SMC4: variants seen among roughly 807,000 people sequenced by gnomAD.
The protein encoded by SMC4 is structural maintenance of chromosomes 4.
SMC4 carries 87 observed loss-of-function variants against 145.6 expected under a neutral mutation model. That is an observed-to-expected ratio of 0.60 (90% CI 0.50 to 0.71). The LOEUF is 0.71. Among genes scored for constraint, SMC4 ranks in the 30% least tolerant of loss-of-function variants. The probability of loss-of-function intolerance (pLI) is 0.00; values close to 1 mark genes in which losing one functional copy is unlikely to be tolerated. For missense variants in SMC4, 1,447 were observed against 1,537.1 expected, an observed-to-expected ratio of 0.94 and a Z score of 0.98; for synonymous variants, 558 against 500.7, an observed-to-expected ratio of 1.11 and a Z score of -1.53.
intron 23 of SMC4, 99 bp from the exon 24 acceptor site, chr3:160,433,558 T>C (rs1474201378): frequency 2.9e-6 from 2 of 681,114 alleles, no homozygotes; most frequent in South Asian, 2.2e-5. Context: ...TTACATGTTA[T>C]CAATGTAATG....
In SMC4 at chr3:160,420,839, G is replaced by C. The variant is rs752920322; in HGVS notation, c.1957G>C (p.Glu653Gln). The C allele has an allele frequency of 6.2e-7, 1 of 1,613,896 alleles. No homozygotes were observed. Residue 653 changes from glutamate (E) to glutamine (Q), a missense_variant, in exon 13 of 24, where the codon GAA becomes CAA. Coordinates refer to ENST00000357388, the MANE Select transcript of SMC4 (RefSeq NM_001002800.3). ...TGTTGATTCTATTGATATAGCCCAA[G>C]AATGTGTAAACTTCCTTAAAAGACA... ...IVVDSIDIAQ[E>Q]CVNFLKRQNI...
At chr3:160,432,550 TA>T (rs1560017754) in intron 22 of SMC4, 35 bp downstream of exon 22, 2 of 1,259,174 alleles carry the variant, frequency 1.6e-6, no homozygotes, top group Non-Finnish European at 2.2e-6. Context: ...ATCCCACTGT[TA>T]CCTTTTTCTA....
At chr3:160,425,154 T>A in intron 16 of SMC4, 135 bp downstream of exon 16, 1 of 1,304,436 alleles carries the variant, frequency 7.7e-7, no homozygotes, top group Non-Finnish European at 1.0e-6. Context: ...TAGGCAGATA[T>A]AACTCTTGAT....
At chr3:160,432,929 T>C in intron 22 of SMC4, 97 bp from the exon 23 acceptor site, 2 of 807,604 alleles carry the variant, frequency 2.5e-6, no homozygotes, top group East Asian at 5.0e-5. Context: ...TACAGATTCC[T>C]AAAAAAGATA....
At position 160,431,160 on chromosome 3, in the gene SMC4, T is replaced by C; in HGVS notation, c.3069T>C (p.Gly1023=). 1 of 1,601,800 alleles carries C rather than the reference T, an allele frequency of 6.2e-7. No homozygotes were observed. The highest frequency in any genetic ancestry group is 1.1e-5 in the South Asian group (1 of 87,964). The change falls in exon 20 of 24, where the codon GGT becomes GGC. Residue 1023 remains glycine (G), a synonymous_variant. Coordinates refer to ENST00000357388, the MANE Select transcript of SMC4 (RefSeq NM_001002800.3). ...AGTTGAAACTTGAACAAATAGATGGTCACATTGCTGAACATAATTCTAAAA... is the reference window on the plus strand; with the variant it reads ...AGTTGAAACTTGAACAAATAGATGGCCACATTGCTGAACATAATTCTAAAA... ...SIKLKLEQID[G]HIAEHNSKIK...
Position 160,431,679 on chromosome 3 carries a change from CCTAT to C in SMC4, c.3152_3155del (p.Pro1051LeufsTer7). On this transcript the variant is annotated frameshift_variant, in exon 21 of 24. Coordinates refer to ENST00000357388, the MANE Select transcript of SMC4 (RefSeq NM_001002800.3). LOFTEE classifies it high-confidence loss of function. ...ATCACTGCATCCTATAGAAGATAAT[CCTAT>C]TGAAGAGATTTCGGTTCTAAGCCCA... The C allele has an allele frequency of 6.2e-7, 1 of 1,607,196 alleles. No individual in the cohort carries two copies. The highest frequency in any genetic ancestry group is 8.5e-7 in the Non-Finnish European group (1 of 1,178,456).
chr3:160,405,279 C>G (rs1715201122), intron 5 of SMC4, among the ~76,000 whole-genome samples: 1 of 151,234 alleles, frequency 6.6e-6, no homozygotes, highest in South Asian at 2.1e-4. Context: ...GAAAAATCCC[C>G]TATCTTTTTT....
chr3:160,404,171 T>C (rs1174026535), intron 4 of SMC4, 157 bp from the exon 5 acceptor site: 6 of 598,922 alleles, frequency 1.0e-5, no homozygotes, highest in Admixed American at 3.7e-5. Context: ...CTTTGCTAAG[T>C]TGGGTTATTA....
At position 160,423,397 on chromosome 3, in the gene SMC4, TTTTG is replaced by T. The variant is rs201503540; in HGVS notation, c.2020-12_2020-9del. On this transcript the variant is annotated intron_variant, in intron 13 of 23. Transcript: ENST00000357388. ...AGTTTTCTTTTTTGTTAACTGTTGT[TTTTG>T]TTTGTTTGTTTGTTTACTTTTAGAT... The T allele has an allele frequency of 2.0e-4, 280 of 1,372,396 alleles. 1 individual carries two copies. The Middle Eastern group carries it at 3.7e-3, about 18-fold the overall frequency. 85.0% of individuals were successfully genotyped at this position (1,372,396 alleles called of 1,614,324 possible). A position where few individuals can be genotyped will look rare whatever the true frequency, so the allele number is the denominator to read the frequency against.
At chr3:160,430,380 A>G (rs1242369781) in intron 18 of SMC4, among the ~76,000 whole-genome samples, 1 of 152,218 alleles carries the variant, frequency 6.6e-6, no homozygotes, top group Non-Finnish European at 1.5e-5. Flanking sequence ...CAGCTTATAT[A>G]AGAAAGGCAT....
intron 10 of SMC4, 178 bp from the exon 11 acceptor site, chr3:160,417,545 G>C (rs1716717429): frequency 1.7e-6 from 1 of 599,166 alleles, no homozygotes. Flanking sequence ...ACTATGTACA[G>C]TGAATATTGA....
chr3:160,405,856 C>T (rs1303879364), intron 5 of SMC4, among the ~76,000 whole-genome samples: 1 of 151,900 alleles, frequency 6.6e-6, no homozygotes, highest in African/African-American at 2.4e-5. Context: ...AGTTATGTCC[C>T]TATATAATAC....
At position 160,400,955 on chromosome 3, in the gene SMC4, C is replaced by T. The variant is rs1714544984; in HGVS notation, c.129C>T (p.Ala43=). Residue 43 remains alanine (A), a synonymous_variant, in exon 2 of 24, where the codon GCC becomes GCT. Coordinates refer to ENST00000357388, the MANE Select transcript of SMC4 (RefSeq NM_001002800.3). ...EPPSGRTESP[A]TAAETASEEL... ...CGTCCGGCCGCACGGAGAGCCCAGC[C>T]ACCGCCGCAGGTGAGTGACCCGCCG... The T allele has an allele frequency of 7.0e-7, 1 of 1,432,650 alleles. No individual in the cohort carries two copies. Among genetic ancestry groups the T allele is most frequent in the Non-Finnish European group, 9.1e-7 (1 of 1,104,954 alleles). 88.7% of individuals were successfully genotyped at this position (1,432,650 alleles called of 1,614,324 possible).
rs533866837 is a variant in SMC4 at position 160,431,524 on chromosome 3, T to C, written c.3115-119T>C. The C allele has an allele frequency of 3.7e-5, 29 of 790,934 alleles. No homozygotes were observed. In the East Asian group the frequency reaches 7.0e-4, roughly 19 times the overall value. 49.0% of individuals were successfully genotyped at this position (790,934 alleles called of 1,614,324 possible). A position where few individuals can be genotyped will look rare whatever the true frequency, so the allele number is the denominator to read the frequency against. On this transcript the variant is annotated intron_variant, in intron 20 of 23. Transcript: ENST00000357388. ...TTGAAGTCCTTTGAAAAATAATTGA[T>C]AAATCAGTCACAACTCCTGTTGTTT...
intron 11 of SMC4, 59 bp from the exon 12 acceptor site, chr3:160,419,299 T>C: frequency 8.7e-7 from 1 of 1,155,396 alleles, no homozygotes; most frequent in Non-Finnish European, 1.2e-6. Flanking sequence ...AATTCAGTGC[T>C]ATGACTGGTC....
rs771963459 is a variant in SMC4 at position 160,414,536 on chromosome 3, T to G, written c.1272+19T>G. On this transcript the variant is annotated intron_variant, in intron 9 of 23. Transcript: ENST00000357388. ...AGAAAAGGTAGGTGTTAGAAAAAAA[T>G]TCTTAAAATTTCACGTCTGAATATC... 3.7e-6 allele frequency: 6 copies of G among 1,601,760 alleles called. No homozygotes were observed. The highest frequency in any genetic ancestry group is 5.1e-6 in the Non-Finnish European group (6 of 1,173,024).
chr3:160,431,631 T>A lies in SMC4; in HGVS notation c.3115-12T>A. The stretch of plus-strand genomic sequence containing the variant: ...ATGCCTTCTCTAACTCTCCCCTAAA[T>A]TGAACTTTTAGATTTCAAAAATATC... On this transcript the variant is annotated splice_polypyrimidine_tract_variant and intron_variant, in intron 20 of 23. Transcript: ENST00000357388. 1 of 1,564,652 alleles carries A rather than the reference T, an allele frequency of 6.4e-7. No individual in the cohort carries two copies. The highest frequency in any genetic ancestry group is 8.6e-7 in the Non-Finnish European group (1 of 1,161,322).
chr3:160,408,765 G>C (rs1399788783), intron 5 of SMC4, among the ~76,000 whole-genome samples: 1 of 152,122 alleles, frequency 6.6e-6, no homozygotes, highest in Non-Finnish European at 1.5e-5. Flanking sequence ...GATTACATAG[G>C]AGATGGCACA....
At chr3:160,421,596 T>A (rs1717183456) in intron 13 of SMC4, among the ~76,000 whole-genome samples, 1 of 151,892 alleles carries the variant, frequency 6.6e-6, no homozygotes, top group Non-Finnish European at 1.5e-5. Flanking sequence ...ATACAAAAAT[T>A]AGCTAGGCAT....
Sources: gnomAD v4.1 joint callset for allele counts (sites outside exome capture counted in the v4.1 genomes callset) on GRCh38, gnomAD v4.1.1 for gene constraint, MANE v1.5 for transcripts, NCBI Gene and HGNC (gene_info 2026-07-23, HGNC 2026-07-21) for gene names.